GALNT7: variants seen among roughly 807,000 people sequenced by gnomAD.
GALNT7 encodes polypeptide N-acetylgalactosaminyltransferase 7, also known as N-acetylgalactosaminyltransferase 7.
Under a neutral mutation model 82.1 loss-of-function variants are expected in GALNT7, and 60 were observed. That is an observed-to-expected ratio of 0.73 (90% CI 0.59 to 0.91). The LOEUF (loss-of-function observed/expected upper bound fraction) is 0.91, where lower values mean the gene tolerates loss of function less well. GALNT7 is among the 40% of genes least tolerant of loss of function. The probability of loss-of-function intolerance (pLI) is 0.00; values close to 1 mark genes in which losing one functional copy is unlikely to be tolerated. For synonymous variants in GALNT7, 243 were observed against 275.1 expected (o/e 0.88, Z 1.15); for missense variants, 660 against 804.2 (o/e 0.82, Z 2.17).
chr4:173,313,866 G>A (rs554790750), intron 8 of GALNT7, 92 bp from the exon 9 acceptor site: 5 of 495,816 alleles, frequency 1.0e-5, no homozygotes, highest in Non-Finnish European at 1.7e-5. Context: ...TTTGTTATGT[G>A]TAGGCCATTT....
At chr4:173,181,323 T>C (rs1428230092) in intron 1 of GALNT7, among the ~76,000 whole-genome samples, 1 of 152,168 alleles carries the variant, frequency 6.6e-6, no homozygotes, top group Non-Finnish European at 1.5e-5. Context: ...TCAGAGGAAA[T>C]TCTAAGTCCA....
chr4:173,252,868 G>T (rs1734895198), intron 2 of GALNT7, among the ~76,000 whole-genome samples: 1 of 152,108 alleles, frequency 6.6e-6, no homozygotes, highest in East Asian at 1.9e-4. Context: ...TAATAATGTG[G>T]TTCAGAGGAG....
chr4:173,245,965 C>G (rs141865455), intron 1 of GALNT7, among the ~76,000 whole-genome samples: 1 of 152,320 alleles, frequency 6.6e-6, no homozygotes, highest in East Asian at 1.9e-4. Context: ...TAGAGGCTTT[C>G]TCAACCCTGT....
chr4:173,214,759 CTGTCTTCCT>C (rs1212020865), intron 1 of GALNT7, among the ~76,000 whole-genome samples: 1 of 151,944 alleles, frequency 6.6e-6, no homozygotes, highest in East Asian at 1.9e-4. Flanking sequence ...AAGTAGTAAC[CTGTCTTCCT>C]TGTCTTCCTT....
rs1347165327 is a variant in GALNT7, at chr4:173,317,704, G to A, written c.1679G>A (p.Gly560Glu). ...ACAAATGGAGGCTTTGTTGAACTAG[G>A]ACCCTGCCACAGGATGGGAGGGAAT... ...GKTNGGFVEL[G>E]PCHRMGGNQL... is the part of the protein sequence containing the mutation. The change falls in exon 10 of 12, where the codon GGA becomes GAA. Residue 560 changes from glycine (G) to glutamate (E), a missense_variant. Coordinates refer to ENST00000265000, the MANE Select transcript of GALNT7 (RefSeq NM_017423.3). The A allele has an allele frequency of 4.3e-6, 7 of 1,612,158 alleles. No homozygotes were observed. In the East Asian group the frequency reaches 1.3e-4, roughly 31 times the overall value.
intron 1 of GALNT7, among the ~76,000 whole-genome samples, chr4:173,210,683 C>A (rs895516363): frequency 6.6e-6 from 1 of 152,108 alleles, no homozygotes; most frequent in East Asian, 1.9e-4. Flanking sequence ...CCGCCCACCT[C>A]GGCCTCGCAG....
chr4:173,221,707 T>G (rs1489611921), intron 1 of GALNT7, among the ~76,000 whole-genome samples: 2 of 152,212 alleles, frequency 1.3e-5, no homozygotes, highest in African/African-American at 4.8e-5. Context: ...TATTTTAACT[T>G]TCTTTGAGAA....
intron 2 of GALNT7, among the ~76,000 whole-genome samples, chr4:173,281,748 A>G (rs1297902838): frequency 6.6e-6 from 1 of 152,106 alleles, no homozygotes; most frequent in Non-Finnish European, 1.5e-5. Context: ...TGCTTTTGTT[A>G]CCTTCTATCC....
intron 2 of GALNT7, among the ~76,000 whole-genome samples, chr4:173,273,248 A>T (rs1735792143): frequency 6.6e-6 from 1 of 152,192 alleles, no homozygotes; most frequent in African/African-American, 2.4e-5. Flanking sequence ...CTCAATAAAC[A>T]TTTTAAGGAA....
intron 10 of GALNT7, among the ~76,000 whole-genome samples, chr4:173,318,012 G>A (rs975292565): frequency 3.9e-5 from 6 of 152,092 alleles, no homozygotes; most frequent in Admixed American, 1.3e-4. Flanking sequence ...TGTCACTACC[G>A]TAACTATGTA....
rs1291603488 is a variant in GALNT7 at position 173,320,428 on chromosome 4, C to G, written c.1837-1152C>G. On this transcript the variant is annotated intron_variant, in intron 11 of 11. Transcript: ENST00000265000. The surrounding 1 kb of genome is among the most constrained non-coding windows in gnomAD (Gnocchi z 4.1). ...TTTAATGAAAAATAACTATGTTTAC[C>G]CACAAAAAATAGTGAGAAGAATGGA... Among the ~76,000 whole-genome samples the G allele has an allele frequency of 6.6e-6, 1 of 151,646 alleles. No individual in the cohort carries two copies. The highest frequency in any genetic ancestry group is 2.4e-5 in the African/African-American group (1 of 41,272).
intron 1 of GALNT7, among the ~76,000 whole-genome samples, chr4:173,230,187 T>G (rs1019543252): frequency 6.6e-6 from 1 of 152,220 alleles, no homozygotes; most frequent in African/African-American, 2.4e-5. Flanking sequence ...GAGCTTCACC[T>G]TTTGTTGCAA....
At chr4:173,259,631 G>A (rs1343980155) in intron 2 of GALNT7, among the ~76,000 whole-genome samples, 1 of 151,698 alleles carries the variant, frequency 6.6e-6, no homozygotes, top group Non-Finnish European at 1.5e-5. Flanking sequence ...CCATTACTTG[G>A]TTTTGTTTTT....
At chr4:173,318,350 G>A in intron 10 of GALNT7, 81 bp from the exon 11 acceptor site, 1 of 1,009,484 alleles carries the variant, frequency 9.9e-7, no homozygotes. Flanking sequence ...TTTAATTATA[G>A]GAGTTAAGTT....
At chr4:173,235,292 T>C (rs1246994017) in intron 1 of GALNT7, among the ~76,000 whole-genome samples, 2 of 152,188 alleles carry the variant, frequency 1.3e-5, no homozygotes, top group African/African-American at 4.8e-5. Flanking sequence ...GAAGTCCAGA[T>C]GCATTACCAT....
Position 173,205,705 on chromosome 4 carries a change from G to A in GALNT7, c.126+36744G>A, listed in dbSNP as rs777801009. On this transcript the variant is annotated intron_variant, in intron 1 of 11. Coordinates refer to ENST00000265000, the MANE Select transcript of GALNT7 (RefSeq NM_017423.3). ...CTGAAGTCTGGGGCTGTGGTCTGAAGTCTGGGGCTGTGTAGGGCAATCTGG... is the reference window on the plus strand; with the variant it reads ...CTGAAGTCTGGGGCTGTGGTCTGAAATCTGGGGCTGTGTAGGGCAATCTGG... 3.3e-5 allele frequency among the ~76,000 whole-genome samples: 5 copies of A among 150,802 alleles called. 1 individual carries two copies. Among genetic ancestry groups the A allele is most frequent in the Admixed American group, 6.6e-5 (1 of 15,222 alleles).
intron 1 of GALNT7, among the ~76,000 whole-genome samples, chr4:173,217,197 A>G (rs1367841207): frequency 6.6e-6 from 1 of 152,162 alleles, no homozygotes; most frequent in Non-Finnish European, 1.5e-5. Context: ...TAAGTTAAAA[A>G]ATGCATATAC....
chr4:173,292,088 A>G lies in GALNT7; in HGVS notation c.588-20A>G, dbSNP rs748649658. ...TATAGATTACCTGTAAATAAATATG[A>G]TGAAATTTTCTCTTTACAGATGCAA... On this transcript the variant is annotated intron_variant, in intron 2 of 11. Coordinates refer to ENST00000265000, the MANE Select transcript of GALNT7 (RefSeq NM_017423.3). The surrounding 1 kb of genome is among the most constrained non-coding windows in gnomAD (Gnocchi z 4.8). 3 of 1,566,408 alleles carry G rather than the reference A, an allele frequency of 1.9e-6. No individual in the cohort carries two copies. Among genetic ancestry groups the G allele is most frequent in the Non-Finnish European group, 2.6e-6 (3 of 1,141,370 alleles).
At chr4:173,206,383 A>T (rs1307543025) in intron 1 of GALNT7, among the ~76,000 whole-genome samples, 1 of 152,074 alleles carries the variant, frequency 6.6e-6, no homozygotes, top group East Asian at 1.9e-4. Flanking sequence ...GTGTTTTTCT[A>T]TGTGGATGGT....
Sources: gnomAD v4.1 joint callset for allele counts (sites outside exome capture counted in the v4.1 genomes callset) on GRCh38, gnomAD v4.1.1 for gene constraint, Gnocchi (gnomAD v3.1) non-coding constraint, MANE v1.5 for transcripts, NCBI Gene and HGNC (gene_info 2026-07-23, HGNC 2026-07-21) for gene names.